The following MIER2 variants were observed in gnomAD, a reference collection of about 807,000 sequenced individuals.
MIER2 encodes the protein mesoderm induction early response protein 2.
In MIER2, 30 loss-of-function variants were observed where a neutral mutation model predicts 67.6. The ratio of observed to expected loss-of-function variants is 0.44; its 90% CI spans 0.33 to 0.60. MIER2 has a LOEUF of 0.60. Among genes scored for constraint, MIER2 ranks in the 20% least tolerant of loss-of-function variants. MIER2 has a pLI of 0.02. For synonymous variants in MIER2, 372 were observed against 312.6 expected (o/e 1.19, Z -2.00); for missense variants, 702 against 745.1 (o/e 0.94, Z 0.67).
chr19:313,618 G>C lies in MIER2; in HGVS notation c.681C>G (p.Leu227=). The C allele has an allele frequency of 6.2e-7, 1 of 1,612,688 alleles. No individual in the cohort carries two copies. The highest frequency in any genetic ancestry group is 1.1e-5 in the South Asian group (1 of 91,080). Residue 227 remains leucine, a synonymous_variant, in exon 8 of 14, where the codon CTC becomes CTG. Transcript: ENST00000264819. Reference sequence around the variant, plus strand: ...TCTCAGGGAGGACGCTGGGGTCCCAGAGCAGCTGGTCTTCGTTCTCGTAGA... The same window carrying C: ...TCTCAGGGAGGACGCTGGGGTCCCACAGCAGCTGGTCTTCGTTCTCGTAGA... The part of the protein sequence containing the change: ...EKIYENEDQL[L]WDPSVLPERE...
intron 1 of MIER2, among the ~76,000 whole-genome samples, chr19:342,716 T>C (rs1972560379): frequency 2.0e-5 from 3 of 151,582 alleles, no homozygotes; most frequent in South Asian, 4.2e-4. Flanking sequence ...TCACGTGCTA[T>C]AAAGTTACAA....
chr19:333,800 C>A (rs1479821883), intron 3 of MIER2, among the ~76,000 whole-genome samples: 1 of 147,358 alleles, frequency 6.8e-6, no homozygotes, highest in Non-Finnish European at 1.5e-5. Flanking sequence ...GTCATTCTCC[C>A]GCCTCAGCCT....
intron 7 of MIER2, among the ~76,000 whole-genome samples, chr19:314,050 G>A (rs1971132265): frequency 6.6e-6 from 1 of 152,188 alleles, no homozygotes; most frequent in Non-Finnish European, 1.5e-5. Context: ...GCTTCAGGCT[G>A]CACAGCTACA....
At chr19:342,821 C>T (rs1387245559) in intron 1 of MIER2, among the ~76,000 whole-genome samples, 4 of 151,966 alleles carry the variant, frequency 2.6e-5, no homozygotes, top group East Asian at 1.9e-4. Context: ...CCTCATCAGA[C>T]CTCCTAGCTC....
At chr19:309,122 G>A (rs115740193) in intron 10 of MIER2, among the ~76,000 whole-genome samples, 197 bp from the exon 11 acceptor site, 2,065 of 152,144 alleles carry the variant, frequency 0.014, 44 homozygotes, top group African/African-American at 0.047. Context: ...ACAGGGGCTC[G>A]GAGCACTGTG....
At chr19:311,752 G>T in intron 10 of MIER2, 93 bp downstream of exon 10, 2 of 1,215,106 alleles carry the variant, frequency 1.6e-6, no homozygotes, top group East Asian at 2.5e-5. Flanking sequence ...GGGGCTCCAG[G>T]CCTCCAGTCG....
rs545784218 is a variant in MIER2, at chr19:322,013, T to C, written c.655+3622A>G. On this transcript the variant is annotated intron_variant, in intron 7 of 13. Transcript: ENST00000264819. ...TCCGCCTCCCGGGTTCACGCCATTC[T>C]CCTGCCTCAGCCTCCCAAGTAGCTG... Among the ~76,000 whole-genome samples, 5 of 152,268 alleles carry C rather than the reference T, an allele frequency of 3.3e-5. No homozygotes were observed. In the East Asian group the frequency reaches 9.6e-4, roughly 29 times the overall value.
At chr19:314,217 T>C (rs1260805058) in intron 7 of MIER2, among the ~76,000 whole-genome samples, 1 of 152,140 alleles carries the variant, frequency 6.6e-6, no homozygotes, top group Non-Finnish European at 1.5e-5. Context: ...GGCCAGAAGG[T>C]GCATCACCTC....
chr19:312,266 A>G lies in MIER2; in HGVS notation c.814T>C (p.Tyr272His). Residue 272 changes from tyrosine (Y) to histidine (H), a missense_variant, in exon 9 of 14, where the codon TAC (tyrosine) becomes CAC (histidine). Tyr to His is a moderately conservative substitution (Grantham distance 83). Coordinates refer to ENST00000264819, the MANE Select transcript of MIER2 (RefSeq NM_017550.3). The stretch of plus-strand genomic sequence containing the variant: ...TTGAAGTTGCATTTCACCAACTCGT[A>G]CAGCGCCTGGGGAGAGGACATGTTG... ...EAVKDSEQAL[Y>H]ELVKCNFNVE... is the part of the protein sequence containing the mutation. The G allele has an allele frequency of 6.2e-7, 1 of 1,613,888 alleles. No homozygotes were observed. Among genetic ancestry groups the G allele is most frequent in the African/African-American group, 1.3e-5 (1 of 75,026 alleles).
At chr19:339,217 A>G (rs1029487036) in intron 1 of MIER2, among the ~76,000 whole-genome samples, 1 of 152,184 alleles carries the variant, frequency 6.6e-6, no homozygotes, top group African/African-American at 2.4e-5. Context: ...TCTATCTGAT[A>G]AGGAACTTCT....
rs1232484630 is a variant in MIER2, at chr19:313,377, C to T, written c.807+115G>A. The T allele has an allele frequency of 4.8e-5, 72 of 1,500,712 alleles. 1 individual carries two copies. The East Asian group carries it at 1.6e-3, about 34-fold the overall frequency. The allele number at this position is 1,500,712 out of a possible 1,614,324, so 93.0% of individuals were successfully genotyped here. On this transcript the variant is annotated intron_variant, in intron 8 of 13. Transcript: ENST00000264819. ...GTTCCAGTGCCCTGGCCCCCACACA[C>T]CTGACCCCTGCCCTCCCCTCTGCCC...
At chr19:325,481 C>T (rs62103705) in intron 7 of MIER2, among the ~76,000 whole-genome samples, 154 bp downstream of exon 7, 29,700 of 152,086 alleles carry the variant, frequency 0.2, 3,196 homozygotes, top group East Asian at 0.45. Context: ...ACTGCAGCCA[C>T]GAGAGCCTCC....
intron 8 of MIER2, 119 bp from the exon 9 acceptor site, chr19:312,391 T>A: frequency 1.1e-6 from 1 of 904,184 alleles, no homozygotes; most frequent in Non-Finnish European, 1.7e-6. Context: ...CTGGGCGATG[T>A]CAGAGCCACC....
intron 3 of MIER2, among the ~76,000 whole-genome samples, chr19:329,165 G>C (rs1036546414): frequency 6.6e-6 from 1 of 152,030 alleles, no homozygotes; most frequent in African/African-American, 2.4e-5. Flanking sequence ...CTCCACCCCA[G>C]CTCCTGCCCA....
In MIER2 at chr19:307,100, G is replaced by A. The variant is rs1970684499; in HGVS notation, c.1616+19C>T. The stretch of plus-strand genomic sequence containing the variant: ...TGGTTGGAGTGTTGCGGAGGCTCCG[G>A]GCATGGGGTGGCACTCACTGTGACA... On this transcript the variant is annotated intron_variant, in intron 13 of 13. Coordinates refer to ENST00000264819, the MANE Select transcript of MIER2 (RefSeq NM_017550.3). The A allele has an allele frequency of 6.4e-7, 1 of 1,566,874 alleles. No homozygotes were observed. Among genetic ancestry groups the A allele is most frequent in the Non-Finnish European group, 8.7e-7 (1 of 1,155,344 alleles).
chr19:314,229 G>C (rs1432727428), intron 7 of MIER2, among the ~76,000 whole-genome samples: 1 of 152,186 alleles, frequency 6.6e-6, no homozygotes, highest in Non-Finnish European at 1.5e-5. Flanking sequence ...CATCACCTCT[G>C]GGGAGACATC....
intron 1 of MIER2, among the ~76,000 whole-genome samples, chr19:341,237 G>C (rs1267796706): frequency 1.3e-5 from 2 of 152,192 alleles, no homozygotes; most frequent in East Asian, 3.8e-4. Context: ...CTAACAAGGG[G>C]ATGGCAGGCG....
intron 1 of MIER2, chr19:344,107 G>T (rs1972629594): frequency 1.0e-6 from 1 of 985,300 alleles, no homozygotes; most frequent in Non-Finnish European, 1.2e-6. Context: ...GAGGGAGGAG[G>T]CTCCAGAAGT....
chr19:326,335 A>G (rs1971744985), intron 6 of MIER2, among the ~76,000 whole-genome samples, 172 bp downstream of exon 6: 1 of 151,674 alleles, frequency 6.6e-6, no homozygotes, highest in Non-Finnish European at 1.5e-5. Flanking sequence ...CCGGGATGCC[A>G]GGTTGGGGAC....
Sources: gnomAD v4.1 joint callset for allele counts (sites outside exome capture counted in the v4.1 genomes callset) on GRCh38, gnomAD v4.1.1 for gene constraint, MANE v1.5 for transcripts, NCBI Gene and HGNC (gene_info 2026-07-23, HGNC 2026-07-21) for gene names.